ELMO1: variants seen among roughly 807,000 people sequenced by gnomAD.
ELMO1 encodes engulfment and cell motility protein 1.
Under a neutral mutation model 98.9 loss-of-function variants are expected in ELMO1, and 26 were observed. The ratio of observed to expected loss-of-function variants is 0.26; its 90% CI spans 0.19 to 0.36. ELMO1 has a LOEUF of 0.36. ELMO1 is among the 10% of genes least tolerant of loss of function. The probability of loss-of-function intolerance (pLI) is 1.00; values close to 1 mark genes in which losing one functional copy is unlikely to be tolerated. For synonymous variants in ELMO1, 346 were observed against 346.0 expected (o/e 1.00, Z 0.00); for missense variants, 627 against 935.2 (o/e 0.67, Z 4.30).
chr7:37,364,464 C>G (rs1448743218), intron 1 of ELMO1, among the ~76,000 whole-genome samples: 1 of 152,162 alleles, frequency 6.6e-6, no homozygotes, highest in East Asian at 1.9e-4. Context: ...CACCTAAATA[C>G]CTAAATGTTC....
intron 13 of ELMO1, among the ~76,000 whole-genome samples, chr7:37,159,085 A>AT (rs1789006746): frequency 6.6e-6 from 1 of 152,226 alleles, no homozygotes; most frequent in Non-Finnish European, 1.5e-5. Flanking sequence ...GTTCCCACGC[A>AT]TAAGTGGGAG....
intron 4 of ELMO1, among the ~76,000 whole-genome samples, chr7:37,298,549 C>T (rs1378283197): frequency 6.8e-6 from 1 of 147,240 alleles, no homozygotes; most frequent in Non-Finnish European, 1.5e-5. Flanking sequence ...TGAGAATATG[C>T]GGTGTTTGGT....
chr7:37,408,250 A>G (rs545106003), intron 1 of ELMO1, among the ~76,000 whole-genome samples: 1 of 152,274 alleles, frequency 6.6e-6, no homozygotes, highest in Non-Finnish European at 1.5e-5. Context: ...AACCGGTTAC[A>G]CAATAGATAT....
chr7:37,366,123 A>G (rs1379891803), intron 1 of ELMO1, among the ~76,000 whole-genome samples: 1 of 152,228 alleles, frequency 6.6e-6, no homozygotes, highest in African/African-American at 2.4e-5. Flanking sequence ...AAGATGAGAA[A>G]GAAAATTCAG....
rs138365062 is a variant in ELMO1 at position 37,173,548 on chromosome 7, G to C, written c.1086+37838C>G. On this transcript the variant is annotated intron_variant, in intron 13 of 21. Coordinates refer to ENST00000310758, the MANE Select transcript of ELMO1 (RefSeq NM_014800.11). ...CAGATAGCTCCTAGTCCATGCTGCT[G>C]TTTCTGAGTGAATAACTAAATAAGT... is the stretch of plus-strand genomic sequence containing the variant. Among the ~76,000 whole-genome samples, 3 of 152,358 alleles carry C rather than the reference G, an allele frequency of 2.0e-5. No individual in the cohort carries two copies. The East Asian group carries it at 5.8e-4, about 29-fold the overall frequency.
chr7:37,040,454 C>T (rs986594646), intron 15 of ELMO1, among the ~76,000 whole-genome samples: 2 of 152,160 alleles, frequency 1.3e-5, no homozygotes, highest in African/African-American at 2.4e-5. Context: ...ATGACAAAAA[C>T]ATTAACTGAT....
intron 15 of ELMO1, among the ~76,000 whole-genome samples, chr7:37,017,205 G>A (rs530916749): frequency 6.6e-6 from 1 of 152,280 alleles, no homozygotes; most frequent in South Asian, 2.1e-4. Context: ...GAGCAGCCAA[G>A]AAATCATCTA....
intron 16 of ELMO1, among the ~76,000 whole-genome samples, chr7:36,952,403 C>T (rs1337805154): frequency 2.0e-5 from 3 of 152,070 alleles, no homozygotes; most frequent in South Asian, 2.1e-4. Context: ...TAAATGCCTC[C>T]AAGAGCAAGC....
At chr7:37,325,521 G>A (rs767667856) in intron 2 of ELMO1, among the ~76,000 whole-genome samples, 2 of 152,048 alleles carry the variant, frequency 1.3e-5, no homozygotes, top group Non-Finnish European at 1.5e-5. Flanking sequence ...CCACCCTTCT[G>A]TCCAGCGATA....
intron 16 of ELMO1, among the ~76,000 whole-genome samples, chr7:36,993,502 CTCTA>C (rs1452798551): frequency 6.6e-6 from 1 of 152,156 alleles, no homozygotes; most frequent in African/African-American, 2.4e-5. Context: ...TCAAACTGTT[CTCTA>C]TCTATGAATA....
chr7:37,196,269 G>C (rs2130244397), intron 13 of ELMO1, among the ~76,000 whole-genome samples: 1 of 152,342 alleles, frequency 6.6e-6, no homozygotes, highest in African/African-American at 2.4e-5. Context: ...GCTGAGGTGG[G>C]GGAGGACTGG....
At chr7:37,162,170 TG>T (rs1789269453) in intron 13 of ELMO1, among the ~76,000 whole-genome samples, 1 of 151,772 alleles carries the variant, frequency 6.6e-6, no homozygotes, top group African/African-American at 2.4e-5. Flanking sequence ...CTTGCGTTTC[TG>T]GAGCCTCTGC....
intron 1 of ELMO1, among the ~76,000 whole-genome samples, chr7:37,390,868 C>T (rs991895820): frequency 1.3e-5 from 2 of 152,238 alleles, no homozygotes; most frequent in African/African-American, 2.4e-5. Flanking sequence ...CCAGGGCACA[C>T]AGGTGGCTGG....
rs567219587 is a variant in ELMO1, at chr7:37,244,491, C to T, written c.414-100G>A. The T allele has an allele frequency of 8.4e-5, 103 of 1,220,436 alleles. No homozygotes were observed. In the African/African-American group the frequency reaches 1.5e-3, roughly 18 times the overall value. The allele number at this position is 1,220,436 out of a possible 1,614,324, so 75.6% of individuals were successfully genotyped here. On this transcript the variant is annotated intron_variant, in intron 6 of 21. Coordinates refer to ENST00000310758, the MANE Select transcript of ELMO1 (RefSeq NM_014800.11). ...AGAAAACTCAGGATTAGATTTAGGACAGATTTAACTGCCATGAAGTAAAAG... is the reference window on the plus strand; with the variant it reads ...AGAAAACTCAGGATTAGATTTAGGATAGATTTAACTGCCATGAAGTAAAAG...
At chr7:37,443,507 C>T (rs181778830) in intron 1 of ELMO1, among the ~76,000 whole-genome samples, 31 of 152,334 alleles carry the variant, frequency 2.0e-4, no homozygotes, top group South Asian at 1.7e-3. Context: ...TTCTCCCACA[C>T]GTATTCCTAT....
Position 36,855,774 on chromosome 7 carries a change from C to A in ELMO1, c.1984-23G>T, listed in dbSNP as rs374523052. 6.2e-7 allele frequency: 1 copy of A among 1,613,396 alleles called. No homozygotes were observed. The highest frequency in any genetic ancestry group is 8.5e-7 in the Non-Finnish European group (1 of 1,179,548). On this transcript the variant is annotated intron_variant, in intron 21 of 21. Coordinates refer to ENST00000310758, the MANE Select transcript of ELMO1 (RefSeq NM_014800.11). The surrounding 1 kb of genome is among the most constrained non-coding windows in gnomAD (Gnocchi z 4.2). Reference sequence around the variant, plus strand: ...GTACTGGCAGGAAGGGAGGCAACAGCGATCATTACTGGTGGCAATTACAGA... The same window carrying A: ...GTACTGGCAGGAAGGGAGGCAACAGAGATCATTACTGGTGGCAATTACAGA...
At chr7:37,433,149 T>C (rs1442963422) in intron 1 of ELMO1, among the ~76,000 whole-genome samples, 2 of 152,086 alleles carry the variant, frequency 1.3e-5, no homozygotes, top group Non-Finnish European at 2.9e-5. Flanking sequence ...ATGCCAGGCA[T>C]CCCTAAATAC....
chr7:37,443,590 G>T (rs576364565), intron 1 of ELMO1, among the ~76,000 whole-genome samples: 1 of 152,224 alleles, frequency 6.6e-6, no homozygotes, highest in South Asian at 2.1e-4. Context: ...CACTTATATT[G>T]TAACAGGTTA....
At chr7:37,130,859 A>G (rs1310390539) in intron 14 of ELMO1, among the ~76,000 whole-genome samples, 2 of 152,202 alleles carry the variant, frequency 1.3e-5, no homozygotes, top group Non-Finnish European at 2.9e-5. Context: ...CAGAATAAGC[A>G]TTTATCAAAT....
Sources: gnomAD v4.1 joint callset for allele counts (sites outside exome capture counted in the v4.1 genomes callset) on GRCh38, gnomAD v4.1.1 for gene constraint, Gnocchi (gnomAD v3.1) non-coding constraint, MANE v1.5 for transcripts, NCBI Gene and HGNC (gene_info 2026-07-23, HGNC 2026-07-21) for gene names.